NXPH2: variants seen among roughly 807,000 people sequenced by gnomAD.
NXPH2 encodes the protein neurexophilin 2.
NXPH2 carries 5 observed loss-of-function variants against 19.8 expected under a neutral mutation model. That is an observed-to-expected ratio of 0.25 (90% CI 0.13 to 0.53). NXPH2 has a LOEUF of 0.53. NXPH2 is among the 20% of genes least tolerant of loss of function. The pLI, the probability that NXPH2 is intolerant of heterozygous loss-of-function variation, is 0.96. For synonymous variants in NXPH2, 154 were observed against 127.4 expected (o/e 1.21, Z -1.41); for missense variants, 289 against 322.8 (o/e 0.90, Z 0.80).
At chr2:138,681,183 G>T (rs1269471623) in intron 1 of NXPH2, among the ~76,000 whole-genome samples, 1 of 150,530 alleles carries the variant, frequency 6.6e-6, no homozygotes, top group Non-Finnish European at 1.5e-5. Context: ...TTGATAATTA[G>T]GTAACTATGG....
At chr2:138,745,656 C>T (rs1269653045) in intron 1 of NXPH2, among the ~76,000 whole-genome samples, 9 of 152,088 alleles carry the variant, frequency 5.9e-5, no homozygotes, top group African/African-American at 2.2e-4. Context: ...TATACTGGTA[C>T]ATATTATAGC....
chr2:138,712,934 T>A (rs1257047566), intron 1 of NXPH2, among the ~76,000 whole-genome samples: 1 of 152,214 alleles, frequency 6.6e-6, no homozygotes, highest in Non-Finnish European at 1.5e-5. Context: ...TTGTGATAAA[T>A]TCCTTCCAAT....
intron 1 of NXPH2, among the ~76,000 whole-genome samples, chr2:138,709,959 T>C (rs1681073370): frequency 6.6e-6 from 1 of 152,232 alleles, no homozygotes; most frequent in South Asian, 2.1e-4. Flanking sequence ...CTCTTTTATG[T>C]GTACAATTCA....
rs141024552 is a variant in NXPH2, at chr2:138,747,078, T to C, written c.51+33113A>G. ...TTAAATACTCTGCTGTGAAGATAAA[T>C]CTCAAGATATTTGAACATTCTCCTA... On this transcript the variant is annotated intron_variant, in intron 1 of 1. Coordinates refer to ENST00000272641, the MANE Select transcript of NXPH2 (RefSeq NM_007226.3). Among the ~76,000 whole-genome samples, 10 of 152,308 alleles carry C rather than the reference T, an allele frequency of 6.6e-5. No individual in the cohort carries two copies. The East Asian group carries it at 1.9e-3, about 29-fold the overall frequency.
intron 1 of NXPH2, among the ~76,000 whole-genome samples, chr2:138,692,359 C>T (rs13389725): frequency 0.044 from 6,695 of 152,260 alleles, 496 homozygotes; most frequent in African/African-American, 0.15. Flanking sequence ...TCATCAGCCA[C>T]TGCAGTTCTG....
intron 1 of NXPH2, among the ~76,000 whole-genome samples, chr2:138,732,093 C>G (rs544366902): frequency 6.6e-6 from 1 of 152,312 alleles, no homozygotes; most frequent in African/African-American, 2.4e-5. Context: ...AAGGAACTGG[C>G]TTACTGCTCC....
At chr2:138,687,430 T>C (rs869257693) in intron 1 of NXPH2, among the ~76,000 whole-genome samples, 3 of 152,150 alleles carry the variant, frequency 2.0e-5, no homozygotes, top group Non-Finnish European at 4.4e-5. Flanking sequence ...GTTTGAGTTC[T>C]TTGTAGATTC....
intron 1 of NXPH2, among the ~76,000 whole-genome samples, chr2:138,707,107 A>C (rs970220771): frequency 4.1e-5 from 6 of 146,532 alleles, no homozygotes; most frequent in African/African-American, 1.3e-4. Context: ...AAAAAAAAAA[A>C]AAAAAGAGCA....
chr2:138,701,311 C>A (rs1413308764), intron 1 of NXPH2, among the ~76,000 whole-genome samples: 2 of 151,976 alleles, frequency 1.3e-5, no homozygotes, highest in Non-Finnish European at 2.9e-5. Flanking sequence ...GAACTGAATG[C>A]AATTATCTGA....
Position 138,670,890 on chromosome 2 carries a change from A to G in NXPH2, c.*32T>C. 1 of 1,590,044 alleles carries G rather than the reference A, an allele frequency of 6.3e-7. No homozygotes were observed. Among genetic ancestry groups the G allele is most frequent in the Non-Finnish European group, 8.6e-7 (1 of 1,167,286 alleles). On this transcript the variant is annotated 3_prime_UTR_variant, in exon 2 of 2. Transcript: ENST00000272641. ...TCTTTGTCATTCTAATCAAATACAT[A>G]TGTATCCCTCATTTCCACCACAGCA...
chr2:138,720,404 T>C (rs1299963969), intron 1 of NXPH2, among the ~76,000 whole-genome samples: 8 of 152,276 alleles, frequency 5.3e-5, no homozygotes, highest in Non-Finnish European at 1.2e-4. Context: ...ACAAACAAAC[T>C]TCGGTGAAGA....
At chr2:138,702,039 A>T (rs559856837) in intron 1 of NXPH2, among the ~76,000 whole-genome samples, 2 of 152,126 alleles carry the variant, frequency 1.3e-5, no homozygotes, top group Non-Finnish European at 2.9e-5. Context: ...AGGCCACTTT[A>T]TCATTTTCCA....
At chr2:138,774,488 G>A (rs758248409) in intron 1 of NXPH2, among the ~76,000 whole-genome samples, 1 of 152,096 alleles carries the variant, frequency 6.6e-6, no homozygotes, top group African/African-American at 2.4e-5. Flanking sequence ...TATATATACA[G>A]TAACTAAAGA....
At chr2:138,700,187 C>G (rs574354564) in intron 1 of NXPH2, among the ~76,000 whole-genome samples, 1 of 152,276 alleles carries the variant, frequency 6.6e-6, no homozygotes, top group South Asian at 2.1e-4. Context: ...CTTTATTATC[C>G]CTACAGCGAT....
chr2:138,721,332 TC>T (rs888439611), intron 1 of NXPH2, among the ~76,000 whole-genome samples: 1 of 149,406 alleles, frequency 6.7e-6, no homozygotes, highest in African/African-American at 2.5e-5. Context: ...AGAGCAAGAC[TC>T]CGTCTGAAAA....
chr2:138,726,624 TA>T, intron 1 of NXPH2, among the ~76,000 whole-genome samples: 1 of 152,014 alleles, frequency 6.6e-6, no homozygotes, highest in East Asian at 1.9e-4. Context: ...GTGTTTTTTT[TA>T]AATAGGCTTT....
intron 1 of NXPH2, among the ~76,000 whole-genome samples, chr2:138,674,663 A>C (rs566985187): frequency 2.0e-5 from 3 of 152,082 alleles, no homozygotes; most frequent in South Asian, 4.2e-4. Context: ...CAACACCCAG[A>C]CTCTGCTTCT....
chr2:138,747,825 A>G (rs1465282281), intron 1 of NXPH2, among the ~76,000 whole-genome samples: 1 of 152,144 alleles, frequency 6.6e-6, no homozygotes, highest in South Asian at 2.1e-4. Context: ...GATATCAACC[A>G]TCTCTCCAGA....
At position 138,753,295 on chromosome 2, in the gene NXPH2, G is replaced by T. The variant is rs146502070; in HGVS notation, c.51+26896C>A. ...TGACCACTGAGGGTTCTTTCAGTTG[G>T]CTCCTGGGTCCTTGTGACAGTGAGG... is the stretch of plus-strand genomic sequence containing the variant. On this transcript the variant is annotated intron_variant, in intron 1 of 1. Transcript: ENST00000272641. Among the ~76,000 whole-genome samples the T allele has an allele frequency of 1.6e-3, 237 of 152,164 alleles. 5 individuals carry two copies. In the East Asian group the frequency reaches 0.039, roughly 25 times the overall value.
Sources: gnomAD v4.1 joint callset for allele counts (sites outside exome capture counted in the v4.1 genomes callset) on GRCh38, gnomAD v4.1.1 for gene constraint, MANE v1.5 for transcripts, NCBI Gene and HGNC (gene_info 2026-07-23, HGNC 2026-07-21) for gene names.